Variants in C2 observed in about 807,000 individuals in gnomAD.
The protein encoded by C2 is C3/C5 convertase.
A neutral mutation model predicts 85.2 loss-of-function variants in C2; 64 were observed. The ratio of observed to expected loss-of-function variants is 0.75; its 90% confidence interval spans 0.61 to 0.92. The LOEUF (loss-of-function observed/expected upper bound fraction) is 0.92. C2 is among the 40% of genes least tolerant of loss of function. C2 has a pLI of 0.00. For missense variants in C2, 820 were observed against 971.6 expected, an observed-to-expected ratio of 0.84 and a Z score of 2.07; for synonymous variants, 311 against 370.8, an observed-to-expected ratio of 0.84 and a Z score of 1.85.
At chr6:31,928,341 G>A (rs1384378716) in intron 2 of C2, 177 bp downstream of exon 2, 24 of 689,630 alleles carry the variant, frequency 3.5e-5, no homozygotes, top group Non-Finnish European at 5.6e-5. Flanking sequence ...TTGGGAACAG[G>A]TCTTGATGGA....
At chr6:31,914,934 A>C (rs945849291) in intron 1 of C2, among the ~76,000 whole-genome samples, 1 of 151,970 alleles carries the variant, frequency 6.6e-6, no homozygotes, top group African/African-American at 2.4e-5. Context: ...CAACAACAAA[A>C]ACAATGAACA....
upstream of C2, among the ~76,000 whole-genome samples, chr6:31,924,857 T>C (rs1419708556): frequency 1.3e-5 from 2 of 152,232 alleles, no homozygotes; most frequent in Admixed American, 1.3e-4. Context: ...CCGTGTGACT[T>C]TGCCATTCCT....
At chr6:31,900,946 C>G, upstream of C2, 1 of 1,614,186 alleles carries the variant, frequency 6.2e-7, no homozygotes, top group East Asian at 2.2e-5. The surrounding 1 kb of genome is among the most constrained non-coding windows in gnomAD (Gnocchi z 9.7). Flanking sequence ...TGAGGGCATT[C>G]CGGCATTTCT....
upstream of C2, among the ~76,000 whole-genome samples, chr6:31,915,632 C>T (rs1768450321): frequency 6.6e-6 from 1 of 152,218 alleles, no homozygotes; most frequent in Non-Finnish European, 1.5e-5. Flanking sequence ...GTTAGAGTCT[C>T]TGATCATCAT....
upstream of C2, among the ~76,000 whole-genome samples, chr6:31,925,293 G>A (rs10947225): frequency 3.8e-3 from 571 of 151,848 alleles, 4 homozygotes; most frequent in African/African-American, 0.012. Context: ...CGAGTATTGC[G>A]CTTTTTTTTT....
chr6:31,939,339 C>T lies in C2; in HGVS notation c.1219+19C>T, dbSNP rs1456686447. 5 of 1,571,786 alleles carry T rather than the reference C, an allele frequency of 3.2e-6. No homozygotes were observed. Among genetic ancestry groups the T allele is most frequent in the Non-Finnish European group, 4.4e-6 (5 of 1,143,558 alleles). Reference sequence around the variant, plus strand: ...TATCTGGGTGAGCCCCTGCCACTGCCACCACATTTGTTCTGCTCCTGCAGA... The same window carrying T: ...TATCTGGGTGAGCCCCTGCCACTGCTACCACATTTGTTCTGCTCCTGCAGA... On this transcript the variant is annotated intron_variant, in intron 9 of 17. Transcript: ENST00000299367.
At chr6:31,900,233 A>T, upstream of C2, 1 of 1,614,068 alleles carries the variant, frequency 6.2e-7, no homozygotes, top group Non-Finnish European at 8.5e-7. This position sits in a 1 kb window ranked among gnomAD's most constrained non-coding sequence, Gnocchi z 9.7. Flanking sequence ...GCACATGAAG[A>T]TGAAGTGCTG....
intron 1 of C2, among the ~76,000 whole-genome samples, chr6:31,910,547 A>G (rs562515304): frequency 6.6e-6 from 1 of 152,030 alleles, no homozygotes; most frequent in African/African-American, 2.4e-5. Flanking sequence ...TCAGGCTTAG[A>G]AGGCTTTCAA....
chr6:31,897,889 G>A (rs1766803232), upstream of C2: 1 of 1,060,238 alleles, frequency 9.4e-7, no homozygotes, highest in Non-Finnish European at 1.1e-6. Flanking sequence ...CAGGGACCGA[G>A]GGCGAGACAC....
chr6:31,911,160 G>A (rs894975855), intron 1 of C2, among the ~76,000 whole-genome samples: 15 of 151,704 alleles, frequency 9.9e-5, no homozygotes, highest in African/African-American at 3.4e-4. Flanking sequence ...TTAGCCAGAC[G>A]TGGTGGCAGG....
upstream of C2, chr6:31,900,548 G>C: frequency 6.2e-7 from 1 of 1,612,042 alleles, no homozygotes; most frequent in Non-Finnish European, 8.5e-7. This position sits in a 1 kb window ranked among gnomAD's most constrained non-coding sequence, Gnocchi z 9.7. Context: ...TACAGTGCTG[G>C]GGGGAACGCT....
Position 31,945,110 on chromosome 6 carries a change from T to A in C2, c.2080-68T>A. 6.2e-7 allele frequency: 1 copy of A among 1,609,112 alleles called. No homozygotes were observed. Among genetic ancestry groups the A allele is most frequent in the Admixed American group, 1.7e-5 (1 of 59,988 alleles). ...GGGGATGAGGGAGGCCTTTGAGGGA[T>A]CTAGGGAGGTTGGGGCTTACAGTTG... is the stretch of plus-strand genomic sequence containing the variant. On this transcript the variant is annotated intron_variant, in intron 17 of 17. Coordinates refer to ENST00000299367, the MANE Select transcript of C2 (RefSeq NM_000063.6). The surrounding 1 kb of genome is among the most constrained non-coding windows in gnomAD (Gnocchi z 5.3).
chr6:31,934,323 C>A lies in C2; in HGVS notation c.849+24C>A, dbSNP rs773209468. On this transcript the variant is annotated intron_variant, in intron 6 of 17. Coordinates refer to ENST00000299367, the MANE Select transcript of C2 (RefSeq NM_000063.6). ...GGGTCAGGAATCAGGAGTCTGCCTG[C>A]AGCAGAGGCCTTCCTGTGCTCACTA... 9.3e-6 allele frequency: 15 copies of A among 1,613,704 alleles called. No individual in the cohort carries two copies. The highest frequency in any genetic ancestry group is 1.2e-5 in the Non-Finnish European group (14 of 1,179,882).
Position 31,943,610 on chromosome 6 carries a change from C to T in C2, c.1568-34C>T. On this transcript the variant is annotated intron_variant, in intron 12 of 17. Coordinates refer to ENST00000299367, the MANE Select transcript of C2 (RefSeq NM_000063.6). This position sits in a 1 kb window ranked among gnomAD's most constrained non-coding sequence, Gnocchi z 6.4. ...CCCAGCCTCTGGCCCCTGCAGGAGC[C>T]CTGGTCTAGCCTAATCTAGTGTATC... The T allele has an allele frequency of 6.2e-7, 1 of 1,612,424 alleles. No homozygotes were observed. Among genetic ancestry groups the T allele is most frequent in the East Asian group, 2.2e-5 (1 of 44,884 alleles).
At position 31,912,878 on chromosome 6, in the gene C2, T is replaced by C. The variant is rs923138207; in HGVS notation, c.73+11739T>C. ...AAAAAAAAAGAGATTGGTTACCACATTGATGACTCTGTGATGGTTAATTTT... is the reference window on the plus strand; with the variant it reads ...AAAAAAAAAGAGATTGGTTACCACACTGATGACTCTGTGATGGTTAATTTT... On this transcript the variant is annotated intron_variant, in intron 1 of 3. Coordinates refer to the C2 transcript ENST00000452202. Among the ~76,000 whole-genome samples the C allele has an allele frequency of 2.7e-5, 4 of 150,364 alleles. No homozygotes were observed. The East Asian group carries it at 7.8e-4, about 29-fold the overall frequency.
At chr6:31,942,915 C>G in intron 9 of C2, 44 bp from the exon 10 acceptor site, 1 of 1,611,662 alleles carries the variant, frequency 6.2e-7, no homozygotes, top group Middle Eastern at 1.8e-4. Flanking sequence ...CATGGGGTAG[C>G]CCCAAAGCCA....
At chr6:31,898,367 C>T (rs1008498764), upstream of C2, among the ~76,000 whole-genome samples, 2 of 152,184 alleles carry the variant, frequency 1.3e-5, no homozygotes, top group Non-Finnish European at 2.9e-5. Flanking sequence ...CAGTCAGGTA[C>T]TCCGTGGGTC....
chr6:31,899,883 G>A (rs1425241142), upstream of C2: 2 of 1,400,346 alleles, frequency 1.4e-6, no homozygotes, highest in Admixed American at 5.0e-5. Context: ...CTTTTTCCAC[G>A]CAGCCCAGGG....
upstream of C2, among the ~76,000 whole-genome samples, chr6:31,898,398 A>G (rs996980049): frequency 6.6e-6 from 1 of 152,218 alleles, no homozygotes; most frequent in African/African-American, 2.4e-5. Flanking sequence ...GGACAATTTA[A>G]GTATAAATGA....
Sources: allele counts gnomAD v4.1 joint callset (sites outside exome capture counted in the v4.1 genomes callset), GRCh38; gene constraint gnomAD v4.1.1; non-coding constraint Gnocchi (gnomAD v3.1); transcripts MANE v1.5; gene names NCBI Gene and HGNC (gene_info 2026-07-23, HGNC 2026-07-21).